The following NFKB1 variants were observed in gnomAD, a reference collection of about 807,000 sequenced individuals.
NFKB1 encodes nuclear factor NF-kappa-B p105 subunit.
NFKB1 carries 9 observed loss-of-function variants against 105.1 expected under a neutral mutation model. The ratio of observed to expected loss-of-function variants is 0.09; its 90% CI spans 0.05 to 0.15. The LOEUF (loss-of-function observed/expected upper bound fraction) is 0.15, where lower values mean the gene tolerates loss of function less well. Among genes scored for constraint, NFKB1 ranks in the 10% least tolerant of loss-of-function variants. The pLI is 1.00. For missense variants in NFKB1, 830 were observed against 1,203.7 expected (o/e 0.69, Z 4.59); for synonymous variants, 440 against 442.2 (o/e 1.00, Z 0.06).
intron 6 of NFKB1, among the ~76,000 whole-genome samples, chr4:102,575,724 C>G (rs1333405588): frequency 1.3e-5 from 2 of 152,196 alleles, no homozygotes; most frequent in African/African-American, 2.4e-5. Flanking sequence ...TTCCTGACCT[C>G]TCCCTACTTT....
chr4:102,586,808 G>T (rs1417270159), intron 11 of NFKB1, among the ~76,000 whole-genome samples: 1 of 152,222 alleles, frequency 6.6e-6, no homozygotes, highest in African/African-American at 2.4e-5. Context: ...CCTTGCTGAG[G>T]TTGGAAACCG....
In NFKB1 at chr4:102,596,350, T is replaced by C. The variant is rs756242982; in HGVS notation, c.1495+18T>C. ...AGTTCAGGGTAAGTGAGCACACAAA[T>C]TACGTTCTGTTGGTTGGCTGGGGAG... is the stretch of plus-strand genomic sequence containing the variant. On this transcript the variant is annotated intron_variant, in intron 14 of 23. Transcript: ENST00000226574. 6.3e-7 allele frequency: 1 copy of C among 1,578,198 alleles called. No homozygotes were observed.
intron 3 of NFKB1, among the ~76,000 whole-genome samples, chr4:102,530,214 C>T (rs920984244): frequency 6.6e-6 from 1 of 152,144 alleles, no homozygotes; most frequent in African/African-American, 2.4e-5. Context: ...AGTCCTTTCT[C>T]CCAGATTCAC....
chr4:102,617,051 A>ATT lies in NFKB1; in HGVS notation c.*457_*458insTT, dbSNP rs1267953406. 3.0e-4 allele frequency: 46 copies of ATT among 152,612 alleles called. No homozygotes were observed. The highest frequency in any genetic ancestry group is 1.0e-3 in the African/African-American group (43 of 41,356). The allele number at this position is 152,612 out of a possible 1,614,324, so 9.5% of individuals were successfully genotyped here. A position where few individuals can be genotyped will look rare whatever the true frequency, so the allele number is the denominator to read the frequency against. ...AGAGTCACTTGATGTGCCATTTTAA[A>ATT]AAAAAAGGCATATTGCTTTTTCTAA... is the stretch of plus-strand genomic sequence containing the variant. On this transcript the variant is annotated 3_prime_UTR_variant, in exon 24 of 24. Transcript: ENST00000226574.
chr4:102,597,696 G>C, intron 15 of NFKB1, 35 bp downstream of exon 15: 1 of 1,592,976 alleles, frequency 6.3e-7, no homozygotes, highest in Non-Finnish European at 8.6e-7. Context: ...GGTTGTCCTG[G>C]GTGGGGAAGA....
chr4:102,551,499 G>A (rs1439468501), intron 5 of NFKB1, among the ~76,000 whole-genome samples: 1 of 152,082 alleles, frequency 6.6e-6, no homozygotes, highest in Admixed American at 6.6e-5. Flanking sequence ...AATTTGACAG[G>A]TGTACTTCTC....
chr4:102,543,565 C>CAACAACA (rs1440181503), intron 5 of NFKB1, among the ~76,000 whole-genome samples: 1 of 148,546 alleles, frequency 6.7e-6, no homozygotes, highest in Admixed American at 6.7e-5. Context: ...ATGTTTAGGT[C>CAACAACA]AACAACAGCT....
Position 102,529,905 on chromosome 4 carries a change from C to A in NFKB1, c.109C>A (p.Leu37Met). 1 of 1,608,434 alleles carries A rather than the reference C, an allele frequency of 6.2e-7. No individual in the cohort carries two copies. Among genetic ancestry groups the A allele is most frequent in the Non-Finnish European group, 8.5e-7 (1 of 1,176,030 alleles). The change falls in exon 3 of 24, where the codon CTG becomes ATG. Residue 37 changes from leucine (L) to methionine (M), a missense_variant. Transcript: ENST00000226574. ...NPEVFQPQMA[L>M]PTADGPYLQI... ...AGAAGTATTTCAACCACAGATGGCA[C>A]TGCCAACAGGTAAGAAAACTCATCC...
chr4:102,557,459 T>C (rs1352490423), intron 5 of NFKB1, among the ~76,000 whole-genome samples: 2 of 152,140 alleles, frequency 1.3e-5, no homozygotes, highest in Non-Finnish European at 2.9e-5. Context: ...TGAAACATAC[T>C]CCACTAGTTT....
At chr4:102,542,446 T>C (rs1742061650) in intron 5 of NFKB1, among the ~76,000 whole-genome samples, 1 of 152,146 alleles carries the variant, frequency 6.6e-6, no homozygotes, top group South Asian at 2.1e-4. Context: ...CACTATGTAC[T>C]ACAACACAAA....
chr4:102,546,567 C>T (rs778873579), intron 5 of NFKB1, among the ~76,000 whole-genome samples: 3 of 152,154 alleles, frequency 2.0e-5, no homozygotes, highest in South Asian at 2.1e-4. Context: ...ACTGGGGCGC[C>T]GTAAGACAAA....
Position 102,593,490 on chromosome 4 carries a change from G to A in NFKB1, c.1132G>A (p.Gly378Ser). The change falls in exon 12 of 24, where the codon GGT becomes AGT. Residue 378 changes from glycine to serine, a missense_variant. Coordinates refer to ENST00000226574, the MANE Select transcript of NFKB1 (RefSeq NM_003998.4). ...CAATTTTTCGGATAGTTTCGGCGGT[G>A]GTAGTGGTGCTGGAGCTGGAGGCGG... ...MPNFSDSFGG[G>S]SGAGAGGGGM... The A allele has an allele frequency of 1.2e-6, 2 of 1,613,706 alleles. No individual in the cohort carries two copies. Among genetic ancestry groups the A allele is most frequent in the Non-Finnish European group, 1.7e-6 (2 of 1,179,724 alleles).
chr4:102,506,517 A>G (rs1012848882), intron 1 of NFKB1, among the ~76,000 whole-genome samples: 1 of 152,208 alleles, frequency 6.6e-6, no homozygotes, highest in Non-Finnish European at 1.5e-5. Flanking sequence ...CCAACACTAT[A>G]GAAGCTGGGG....
intron 6 of NFKB1, among the ~76,000 whole-genome samples, chr4:102,575,342 C>G (rs1279809823): frequency 6.6e-6 from 1 of 152,188 alleles, no homozygotes; most frequent in East Asian, 1.9e-4. Flanking sequence ...CTTATAACTC[C>G]TATTTTCTTC....
chr4:102,548,011 G>C (rs1298823224), intron 5 of NFKB1, among the ~76,000 whole-genome samples: 5 of 152,080 alleles, frequency 3.3e-5, no homozygotes, highest in Admixed American at 2.0e-4. Flanking sequence ...GGATACTTAT[G>C]ATAGAGAGCA....
At chr4:102,505,471 A>G (rs1739361242) in intron 1 of NFKB1, among the ~76,000 whole-genome samples, 1 of 152,244 alleles carries the variant, frequency 6.6e-6, no homozygotes, top group African/African-American at 2.4e-5. Flanking sequence ...TGAAATTAGA[A>G]TAATGATATA....
chr4:102,551,244 G>C (rs758121606), intron 5 of NFKB1, among the ~76,000 whole-genome samples: 1 of 152,142 alleles, frequency 6.6e-6, no homozygotes, highest in South Asian at 2.1e-4. Context: ...TAGCCCCCAG[G>C]TTACATGGCA....
chr4:102,605,232 G>C (rs1226978000), intron 16 of NFKB1, among the ~76,000 whole-genome samples: 1 of 152,054 alleles, frequency 6.6e-6, no homozygotes. Context: ...TTCATTTCAG[G>C]CCAGGTTGAT....
At position 102,564,166 on chromosome 4, in the gene NFKB1, A is replaced by G. The variant is rs147937003; in HGVS notation, c.259-2821A>G. ...GAGCCTGCAATGTTCAGACGCTTTG[A>G]AAAAAACCTAACAGACACAGTTGCT... is the stretch of plus-strand genomic sequence containing the variant. On this transcript the variant is annotated intron_variant, in intron 5 of 23. Coordinates refer to ENST00000226574, the MANE Select transcript of NFKB1 (RefSeq NM_003998.4). Among the ~76,000 whole-genome samples the G allele has an allele frequency of 1.5e-3, 225 of 152,280 alleles. 2 individuals carry two copies. The highest frequency in any genetic ancestry group is 5.1e-3 in the African/African-American group (210 of 41,556).
Sources: allele counts gnomAD v4.1 joint callset (sites outside exome capture counted in the v4.1 genomes callset), GRCh38; gene constraint gnomAD v4.1.1; transcripts MANE v1.5; gene names NCBI Gene and HGNC (gene_info 2026-07-23, HGNC 2026-07-21).